IFT25: variants seen among roughly 807,000 people sequenced by gnomAD.
The protein encoded by IFT25 is intraflagellar transport 25, also known as intraflagellar transport protein 25 homolog.
the IFT25 span, among the ~76,000 whole-genome samples, chr1:53,941,954 T>C: frequency 6.6e-6 from 1 of 152,158 alleles, no homozygotes; most frequent in African/African-American, 2.4e-5. Flanking sequence ...GTACTCTAGG[T>C]AGATATTTCT....
chr1:53,930,966 C>T, the IFT25 span, among the ~76,000 whole-genome samples: 2 of 151,974 alleles, frequency 1.3e-5, no homozygotes, highest in East Asian at 1.9e-4. Flanking sequence ...GTAAAATTTA[C>T]CTACAGTGGA....
At chr1:53,944,332 C>G in the IFT25 span, among the ~76,000 whole-genome samples, 1 of 152,202 alleles carries the variant, frequency 6.6e-6, no homozygotes, top group African/African-American at 2.4e-5. Flanking sequence ...GGTGAAACCC[C>G]AAAACCCTCT....
the IFT25 span, chr1:53,916,730 C>T: frequency 8.2e-6 from 3 of 364,070 alleles, no homozygotes; most frequent in East Asian, 3.8e-5. Context: ...TCTACTCAGA[C>T]TTTTTTATTC....
the IFT25 span, among the ~76,000 whole-genome samples, chr1:53,913,726 C>T: frequency 6.6e-6 from 1 of 152,002 alleles, no homozygotes; most frequent in African/African-American, 2.4e-5. Flanking sequence ...GAGACAGGGC[C>T]TATATAGAGG....
At chr1:53,937,123 T>C in the IFT25 span, among the ~76,000 whole-genome samples, 1 of 152,198 alleles carries the variant, frequency 6.6e-6, no homozygotes, top group Non-Finnish European at 1.5e-5. Flanking sequence ...AAAATAACTT[T>C]TGGTTTTTCT....
At chr1:53,939,074 CAAAAAAAAAA>C in the IFT25 span, among the ~76,000 whole-genome samples, 2 of 22,558 alleles carry the variant, frequency 8.9e-5, no homozygotes, top group African/African-American at 1.5e-4. Context: ...AACTCCGTCT[CAAAAAAAAAA>C]AAAAAAAAAA....
the IFT25 span, among the ~76,000 whole-genome samples, chr1:53,936,004 G>A: frequency 6.6e-6 from 1 of 151,936 alleles, no homozygotes; most frequent in Non-Finnish European, 1.5e-5. Flanking sequence ...GCTCATGCCT[G>A]TAATCCCAGC....
the IFT25 span, among the ~76,000 whole-genome samples, chr1:53,943,853 C>A: frequency 6.6e-6 from 1 of 152,188 alleles, no homozygotes; most frequent in Non-Finnish European, 1.5e-5. Context: ...AACTCGTGAG[C>A]TCAAGCGATC....
At chr1:53,913,946 G>A in the IFT25 span, among the ~76,000 whole-genome samples, 2 of 152,208 alleles carry the variant, frequency 1.3e-5, no homozygotes, top group African/African-American at 4.8e-5. Flanking sequence ...CTCCAGAGTG[G>A]TGAGAAAATA....
chr1:53,942,790 C>T, the IFT25 span, among the ~76,000 whole-genome samples: 1 of 152,224 alleles, frequency 6.6e-6, no homozygotes, highest in African/African-American at 2.4e-5. Context: ...GTGACTAAGA[C>T]TTGGTTCTTG....
At chr1:53,937,507 A>G in the IFT25 span, among the ~76,000 whole-genome samples, 1 of 152,208 alleles carries the variant, frequency 6.6e-6, no homozygotes, top group Non-Finnish European at 1.5e-5. Flanking sequence ...TATTCTGTTC[A>G]GTTATCAGGA....
At chr1:53,938,788 G>A in the IFT25 span, among the ~76,000 whole-genome samples, 28 of 152,070 alleles carry the variant, frequency 1.8e-4, no homozygotes, top group Admixed American at 1.5e-3. Context: ...TAAAAAAGGA[G>A]TCCTCCACCA....
At chr1:53,935,332 C>T in the IFT25 span, among the ~76,000 whole-genome samples, 1 of 152,120 alleles carries the variant, frequency 6.6e-6, no homozygotes, top group Non-Finnish European at 1.5e-5. Flanking sequence ...GTGTATGGTT[C>T]TATTTATATG....
chr1:53,923,767 AACTTTCTCTACCGGTTGATT>A, the IFT25 span: 2 of 631,048 alleles, frequency 3.2e-6, no homozygotes, highest in Non-Finnish European at 5.6e-6. Flanking sequence ...TATTGAGAAT[AACTTTCTCTACCGGTTGATT>A]TAGGTACAAA....
the IFT25 span, chr1:53,930,173 G>T: frequency 6.5e-7 from 1 of 1,529,772 alleles, no homozygotes; most frequent in Non-Finnish European, 8.7e-7. Flanking sequence ...GAAAAAATAA[G>T]AATAGCCAAA....
chr1:53,943,885 G>C, the IFT25 span, among the ~76,000 whole-genome samples: 177 of 152,248 alleles, frequency 1.2e-3, 5 homozygotes, highest in East Asian at 0.03. Context: ...GCCACCTAAA[G>C]TGCTGGGATT....
At chr1:53,924,522 A>C in the IFT25 span, among the ~76,000 whole-genome samples, 2 of 152,228 alleles carry the variant, frequency 1.3e-5, no homozygotes, top group Non-Finnish European at 2.9e-5. Context: ...TGGAAACATG[A>C]AAGATTTAAT....
the IFT25 span, among the ~76,000 whole-genome samples, chr1:53,931,735 C>CT: frequency 0.13 from 19,387 of 152,052 alleles, 1,541 homozygotes; most frequent in African/African-American, 0.23. Context: ...ATTGCATTTT[C>CT]TTTATTTCTT....
chr1:53,925,509 C>CA, the IFT25 span, among the ~76,000 whole-genome samples: 5 of 149,400 alleles, frequency 3.3e-5, no homozygotes, highest in African/African-American at 9.8e-5. Context: ...AAAAAAAATA[C>CA]AAAAAATTAG....
Sources: allele counts gnomAD v4.1 joint callset (sites outside exome capture counted in the v4.1 genomes callset), GRCh38; gene constraint gnomAD v4.1.1; transcripts MANE v1.5; gene names NCBI Gene and HGNC (gene_info 2026-07-23, HGNC 2026-07-21).